The following SMARCAL1 variants were observed in gnomAD, a reference collection of about 807,000 sequenced individuals.
SMARCAL1 encodes ATP-driven annealing helicase.
Under a neutral mutation model 94.5 loss-of-function variants are expected in SMARCAL1, and 58 were observed. The observed-to-expected ratio is 0.61, with a 90% CI of 0.50 to 0.76. SMARCAL1 has a LOEUF of 0.76. Among genes scored for constraint, SMARCAL1 ranks in the 30% least tolerant of loss-of-function variants. SMARCAL1 has a pLI of 0.00. For missense variants in SMARCAL1, 1,051 were observed against 1,177.9 expected, an observed-to-expected ratio of 0.89 and a Z score of 1.58; for synonymous variants, 422 against 455.1, an observed-to-expected ratio of 0.93 and a Z score of 0.93.
rs768875923 is a variant in SMARCAL1, at chr2:216,478,240, G to A, written c.2566G>A (p.Ala856Thr). Residue 856 changes from alanine (A) to threonine (T), a missense_variant, in exon 17 of 18, where the codon GCC (alanine) becomes ACC (threonine). Transcript: ENST00000357276. The stretch of plus-strand genomic sequence containing the variant: ...AGAGAAGATTAAAGTTCTGGCAGAA[G>A]CCGGGCTTTCTGAGACCAATTTTTC... Reference protein sequence around the residue: ...IQEKIKVLAEAGLSETNFSEM... With the variant: ...IQEKIKVLAETGLSETNFSEM... 6.2e-7 allele frequency: 1 copy of A among 1,614,178 alleles called. No homozygotes were observed. Among genetic ancestry groups the A allele is most frequent in the Non-Finnish European group, 8.5e-7 (1 of 1,180,020 alleles).
chr2:216,478,043 G>T (rs1332430003), intron 16 of SMARCAL1, among the ~76,000 whole-genome samples, 160 bp from the exon 17 acceptor site: 2 of 152,134 alleles, frequency 1.3e-5, no homozygotes, highest in African/African-American at 4.8e-5. Flanking sequence ...AATGAGAGGG[G>T]GCAAATTTTT....
At chr2:216,441,772 C>G (rs963530464) in intron 10 of SMARCAL1, among the ~76,000 whole-genome samples, 4 of 152,186 alleles carry the variant, frequency 2.6e-5, no homozygotes, top group Non-Finnish European at 5.9e-5. Flanking sequence ...TCTTCACTCC[C>G]ATTCAGTCTT....
rs750552430 is a variant in SMARCAL1 at position 216,475,430 on chromosome 2, T to C, written c.2406T>C (p.Ala802=). ...TFSSADLVVF[A]ELFWNPGVLI... Reference sequence around the variant, plus strand: ...CCTCGGCTGACCTGGTGGTGTTTGCTGAGCTGTTTTGGAACCCAGGGGTAA... The same window carrying C: ...CCTCGGCTGACCTGGTGGTGTTTGCCGAGCTGTTTTGGAACCCAGGGGTAA... Residue 802 remains alanine, a synonymous_variant, in exon 15 of 18, where the codon GCT becomes GCC. Transcript: ENST00000357276. The surrounding 1 kb of genome is among the most constrained non-coding windows in gnomAD (Gnocchi z 4.4). The C allele has an allele frequency of 3.1e-6, 5 of 1,614,172 alleles. No homozygotes were observed. Among genetic ancestry groups the C allele is most frequent in the South Asian group, 2.2e-5 (2 of 91,088 alleles).
intron 14 of SMARCAL1, among the ~76,000 whole-genome samples, chr2:216,471,829 T>G (rs1316489568): frequency 1.3e-5 from 2 of 152,222 alleles, no homozygotes; most frequent in Non-Finnish European, 2.9e-5. Context: ...TAATATTCAA[T>G]AATTAAAAAT....
In SMARCAL1 at chr2:216,432,284, G is replaced by A. The variant is rs1273753994; in HGVS notation, c.1335-434G>A. Among the ~76,000 whole-genome samples the A allele has an allele frequency of 7.2e-5, 11 of 152,142 alleles. No individual in the cohort carries two copies. The East Asian group carries it at 1.2e-3, about 16-fold the overall frequency. On this transcript the variant is annotated intron_variant, in intron 7 of 17. Transcript: ENST00000357276. ...GCTGGGATTACAGGCATGAGCCACC[G>A]CGCCCGACCCTTTCCTTCCTTTCAA...
intron 12 of SMARCAL1, among the ~76,000 whole-genome samples, chr2:216,455,642 G>C (rs1237644749): frequency 6.6e-6 from 1 of 152,216 alleles, no homozygotes; most frequent in Non-Finnish European, 1.5e-5. Context: ...TGAGAGTCCT[G>C]ACTGTTAGAA....
In SMARCAL1 at chr2:216,451,027, A is replaced by G. The variant is rs780876904; in HGVS notation, c.2033A>G (p.Asp678Gly). 2 of 1,614,198 alleles carry G rather than the reference A, an allele frequency of 1.2e-6. No homozygotes were observed. The highest frequency in any genetic ancestry group is 1.7e-6 in the Non-Finnish European group (2 of 1,180,020). The change falls in exon 12 of 18, where the codon GAT becomes GGT. Residue 678 changes from aspartate to glycine, a missense_variant. By Grantham distance (94) the Asp-to-Gly change is moderately conservative. Transcript: ENST00000357276. ...AATGCCAGGACCAGAGCTGCCCTGG[A>G]TGCTGCAGCCAAGGAAATGACCACC... ...RINARTRAAL[D>G]AAAKEMTTKD...
intron 4 of SMARCAL1, among the ~76,000 whole-genome samples, chr2:216,418,982 G>A (rs1308303206): frequency 6.6e-6 from 1 of 152,154 alleles, no homozygotes; most frequent in Admixed American, 6.5e-5. Context: ...TTATGAATGT[G>A]TCATACATTG....
intron 14 of SMARCAL1, among the ~76,000 whole-genome samples, chr2:216,469,475 G>T (rs1232191630): frequency 6.6e-6 from 1 of 151,522 alleles, no homozygotes; most frequent in Non-Finnish European, 1.5e-5. Flanking sequence ...GTAGAGACAG[G>T]GTTTCACCGT....
intron 9 of SMARCAL1, among the ~76,000 whole-genome samples, chr2:216,436,098 A>C (rs1464395210): frequency 6.6e-6 from 1 of 152,114 alleles, no homozygotes; most frequent in Non-Finnish European, 1.5e-5. Context: ...CTCCCCAAGT[A>C]GCTGGGATTA....
chr2:216,426,737 G>A (rs1049372743), intron 6 of SMARCAL1, among the ~76,000 whole-genome samples: 4 of 152,236 alleles, frequency 2.6e-5, no homozygotes, highest in Non-Finnish European at 5.9e-5. Context: ...AGTGGAAGCA[G>A]TGAGAATAGA....
chr2:216,452,163 CA>C (rs1348013271), intron 12 of SMARCAL1, among the ~76,000 whole-genome samples: 1 of 152,056 alleles, frequency 6.6e-6, no homozygotes, highest in African/African-American at 2.4e-5. Flanking sequence ...GTGGAGTTTT[CA>C]AACTTAAACA....
intron 14 of SMARCAL1, among the ~76,000 whole-genome samples, chr2:216,471,455 C>CA (rs2106081559): frequency 6.6e-6 from 1 of 151,566 alleles, no homozygotes; most frequent in South Asian, 2.1e-4. Context: ...CTCCTGGCTT[C>CA]AAGCATTTCT....
chr2:216,482,789 G>C lies in SMARCAL1; in HGVS notation c.2677G>C (p.Glu893Gln), dbSNP rs1695229239. The C allele has an allele frequency of 1.2e-6, 2 of 1,614,164 alleles. No homozygotes were observed. Among genetic ancestry groups the C allele is most frequent in the South Asian group, 1.1e-5 (1 of 91,080 alleles). The change falls in exon 18 of 18, where the codon GAA (glutamate) becomes CAA (glutamine). Residue 893 changes from glutamate (E) to glutamine (Q), a missense_variant. Physicochemically the swap from Glu to Gln is conservative, Grantham distance 29 (BLOSUM62 2). This residue lies in a region of SMARCAL1 where 642 missense variants were observed against 754.7 expected (regional missense o/e 0.85). Coordinates refer to ENST00000357276, the MANE Select transcript of SMARCAL1 (RefSeq NM_014140.4). The surrounding 1 kb of genome is among the most constrained non-coding windows in gnomAD (Gnocchi z 4.3). ...YDLFQKSFEKEGSDMELLEAA... is the reference protein window; with the variant it reads ...YDLFQKSFEKQGSDMELLEAA... The stretch of plus-strand genomic sequence containing the variant: ...CCTATTCCAGAAGTCCTTTGAGAAA[G>C]AAGGAAGTGATATGGAGCTCCTGGA...
intron 12 of SMARCAL1, among the ~76,000 whole-genome samples, chr2:216,462,679 A>G (rs536659675): frequency 4.7e-4 from 72 of 152,262 alleles, no homozygotes; most frequent in African/African-American, 1.6e-3. Context: ...CCTGGAGGAA[A>G]GATACCATTC....
rs1559139196 is a variant in SMARCAL1, at chr2:216,478,259, AT to A, written c.2590del (p.Ser864GlnfsTer3). 1 of 1,614,124 alleles carries A rather than the reference AT, an allele frequency of 6.2e-7. No homozygotes were observed. Among genetic ancestry groups the A allele is most frequent in the South Asian group, 1.1e-5 (1 of 91,080 alleles). ...VLAEAGLSET[N>X]FSEMTESTDY... ...GCAGAAGCCGGGCTTTCTGAGACCA[AT>A]TTTTCAGAAATGACAGAATCCACTG... On this transcript the variant is annotated frameshift_variant, in exon 17 of 18. Transcript: ENST00000357276. LOFTEE classifies it high-confidence loss of function.
chr2:216,415,537 T>A, intron 3 of SMARCAL1, 22 bp downstream of exon 3: 1 of 1,483,808 alleles, frequency 6.7e-7, no homozygotes, highest in Non-Finnish European at 9.0e-7. Context: ...ATTTTTCAGC[T>A]GTTTTTTTTT....
At chr2:216,414,388 C>T in intron 2 of SMARCAL1, 2 of 346,704 alleles carry the variant, frequency 5.8e-6, no homozygotes, top group East Asian at 7.8e-5. Context: ...AACTCCTGAC[C>T]TCAAGTGATC....
chr2:216,451,890 G>A (rs1454382552), intron 12 of SMARCAL1, among the ~76,000 whole-genome samples: 4 of 152,130 alleles, frequency 2.6e-5, no homozygotes, highest in African/African-American at 9.7e-5. Flanking sequence ...CATTATCTGG[G>A]CTTGATATTA....
Sources: allele counts gnomAD v4.1 joint callset (sites outside exome capture counted in the v4.1 genomes callset), GRCh38; gene constraint gnomAD v4.1.1; regional missense constraint gnomAD v4.1.1; non-coding constraint Gnocchi (gnomAD v3.1); transcripts MANE v1.5; gene names NCBI Gene and HGNC (gene_info 2026-07-23, HGNC 2026-07-21).